The following CWF19L2 variants were observed in gnomAD, a reference collection of about 807,000 sequenced individuals.
CWF19L2 encodes CWF19 like cell cycle control factor 2.
A neutral mutation model predicts 111.7 loss-of-function variants in CWF19L2; 98 were observed. The ratio of observed to expected loss-of-function variants is 0.88; its 90% confidence interval spans 0.75 to 1.04. The LOEUF (loss-of-function observed/expected upper bound fraction) is 1.04, where lower values mean the gene tolerates loss of function less well. Among genes scored for constraint, CWF19L2 ranks in the 50% least tolerant of loss-of-function variants. The pLI, the probability that CWF19L2 is intolerant of heterozygous loss-of-function variation, is 0.00. For synonymous variants in CWF19L2, 351 were observed against 342.9 expected (o/e 1.02, Z -0.26); for missense variants, 1,101 against 1,051.4 (o/e 1.05, Z -0.65).
At chr11:107,433,048 G>A (rs369747788) in intron 7 of CWF19L2, among the ~76,000 whole-genome samples, 72 of 152,142 alleles carry the variant, frequency 4.7e-4, no homozygotes, top group African/African-American at 1.7e-3. Context: ...CATATTCTAC[G>A]AGTCTACTTT....
chr11:107,330,614 C>T (rs1262654435), intron 16 of CWF19L2, among the ~76,000 whole-genome samples: 2 of 137,910 alleles, frequency 1.5e-5, no homozygotes, highest in African/African-American at 5.1e-5. Flanking sequence ...CCCTCCCTCT[C>T]TCTTTCTCTC....
chr11:107,414,142 T>C (rs867317987), intron 10 of CWF19L2, among the ~76,000 whole-genome samples: 8 of 152,180 alleles, frequency 5.3e-5, no homozygotes. Flanking sequence ...GAAAATTGCA[T>C]GAGTTATTTT....
At chr11:107,339,437 T>C (rs576800772) in intron 14 of CWF19L2, among the ~76,000 whole-genome samples, 2 of 152,320 alleles carry the variant, frequency 1.3e-5, no homozygotes, top group South Asian at 4.1e-4. Flanking sequence ...CATACTATTT[T>C]ACATTTCTAC....
chr11:107,448,912 T>C (rs7945950), intron 3 of CWF19L2, among the ~76,000 whole-genome samples: 13,572 of 152,012 alleles, frequency 0.089, 905 homozygotes, highest in African/African-American at 0.18. Context: ...CAGTTAGTTT[T>C]GGTATAGCAG....
intron 16 of CWF19L2, among the ~76,000 whole-genome samples, chr11:107,332,687 T>C (rs934046130): frequency 2.0e-5 from 3 of 152,196 alleles, no homozygotes; most frequent in African/African-American, 4.8e-5. Context: ...GTATTGTTCA[T>C]TTCATGTTCA....
rs1314906245 is a variant in CWF19L2, at chr11:107,374,376, T to C, written c.1872+15698A>G. 3.0e-5 allele frequency among the ~76,000 whole-genome samples: 4 copies of C among 132,618 alleles called. 1 individual carries two copies. Among genetic ancestry groups the C allele is most frequent in the Admixed American group, 7.4e-5 (1 of 13,588 alleles). The allele number at this position is 132,618 out of a possible 152,430, so 87.0% of individuals were successfully genotyped here. ...TGTTAAGGGCAGCCAGAGAGAAAGG[T>C]TGGGTTACCCTCAAAGGGAAGCCCA... On this transcript the variant is annotated intron_variant, in intron 12 of 17. Transcript: ENST00000282251.
chr11:107,349,111 A>G lies in CWF19L2; in HGVS notation c.2086-58T>C, dbSNP rs991797184. On this transcript the variant is annotated intron_variant, in intron 13 of 17. Coordinates refer to ENST00000282251, the MANE Select transcript of CWF19L2 (RefSeq NM_152434.3). ...ATTGTTATTTATATGTTATATATTT[A>G]TATGTTAATGCTATTTATTCTCAGT... The G allele has an allele frequency of 3.6e-6, 3 of 822,970 alleles. No individual in the cohort carries two copies. In the African/African-American group the frequency reaches 5.2e-5, roughly 14 times the overall value. The allele number at this position is 822,970 out of a possible 1,614,324, so 51.0% of individuals were successfully genotyped here. A position where few individuals can be genotyped will look rare whatever the true frequency, so the allele number is the denominator to read the frequency against.
At chr11:107,411,277 C>T (rs970974626) in intron 10 of CWF19L2, among the ~76,000 whole-genome samples, 4 of 152,126 alleles carry the variant, frequency 2.6e-5, no homozygotes, top group Non-Finnish European at 5.9e-5. Context: ...GGTTAAGTAA[C>T]TTTGCAACTC....
At chr11:107,444,300 T>G (rs959747593) in intron 3 of CWF19L2, among the ~76,000 whole-genome samples, 2 of 152,136 alleles carry the variant, frequency 1.3e-5, no homozygotes, top group Non-Finnish European at 2.9e-5. Flanking sequence ...CTACTGAAAC[T>G]TCTCCAAACT....
intron 14 of CWF19L2, among the ~76,000 whole-genome samples, chr11:107,347,751 A>G (rs1860100495): frequency 6.6e-6 from 1 of 152,176 alleles, no homozygotes; most frequent in Non-Finnish European, 1.5e-5. Context: ...TTGTGTACTC[A>G]ATATCTGTTA....
chr11:107,401,087 T>G (rs1243113434), intron 10 of CWF19L2, among the ~76,000 whole-genome samples: 1 of 152,158 alleles, frequency 6.6e-6, no homozygotes, highest in South Asian at 2.1e-4. Flanking sequence ...AGGCCATCTA[T>G]GACAAACCCA....
At chr11:107,452,129 G>GA (rs998401440) in intron 3 of CWF19L2, among the ~76,000 whole-genome samples, 25 of 151,948 alleles carry the variant, frequency 1.6e-4, no homozygotes, top group Non-Finnish European at 3.7e-4. Flanking sequence ...AGACTGAAAA[G>GA]AAAAAAGTAA....
chr11:107,416,217 C>T lies in CWF19L2; in HGVS notation c.1609G>A (p.Gly537Arg), dbSNP rs17106909. Residue 537 changes from glycine to arginine, a missense_variant, in exon 10 of 18, where the codon GGG becomes AGG. Physicochemically the swap from Gly to Arg is moderately radical, Grantham distance 125. Coordinates refer to ENST00000282251, the MANE Select transcript of CWF19L2 (RefSeq NM_152434.3). ...ETITQIPKKS[G>R]VENEDQQEVI... is the part of the protein sequence containing the mutation. ...AAACTTTTATTACTTACCTCTACCC[C>T]AGATTTTTTTGGTATCTGTGTTATA... The T allele has an allele frequency of 0.032, 44,556 of 1,398,992 alleles. 1,731 individuals are homozygous for T. Among genetic ancestry groups the T allele is most frequent in the East Asian group, 0.22 (7,727 of 34,856 alleles). The allele number at this position is 1,398,992 out of a possible 1,614,324, so 86.7% of individuals were successfully genotyped here. A position where few individuals can be genotyped will look rare whatever the true frequency, so the allele number is the denominator to read the frequency against.
At chr11:107,339,355 G>C (rs995772056) in intron 14 of CWF19L2, among the ~76,000 whole-genome samples, 1 of 152,120 alleles carries the variant, frequency 6.6e-6, no homozygotes, top group African/African-American at 2.4e-5. Context: ...GCCAAGAAGT[G>C]CAAGAGTTGA....
At chr11:107,411,480 A>T (rs916875594) in intron 10 of CWF19L2, among the ~76,000 whole-genome samples, 1 of 152,100 alleles carries the variant, frequency 6.6e-6, no homozygotes, top group Non-Finnish European at 1.5e-5. Flanking sequence ...TGTCTTTTGA[A>T]CGTATTTGAA....
intron 10 of CWF19L2, among the ~76,000 whole-genome samples, chr11:107,399,223 C>T (rs530075270): frequency 1.3e-5 from 2 of 152,300 alleles, no homozygotes; most frequent in East Asian, 1.9e-4. Flanking sequence ...CCTTTCAATG[C>T]TAACATCGAA....
In CWF19L2 at chr11:107,441,565, GTGA is replaced by G. The variant is rs1286607255; in HGVS notation, c.505_507del (p.Ser169del). Reference sequence around the variant, plus strand: ...CTCATAGTTTCCTTTTCAGCTTTGAGTGATGATGATGACACAGTTTTAACAGAC... The same window carrying G: ...CTCATAGTTTCCTTTTCAGCTTTGAGTGATGATGACACAGTTTTAACAGAC... On this transcript the variant is annotated inframe_deletion, in exon 5 of 18. Transcript: ENST00000282251. The G allele has an allele frequency of 1.9e-6, 3 of 1,551,098 alleles. No homozygotes were observed. The highest frequency in any genetic ancestry group is 1.4e-5 in the African/African-American group (1 of 73,218).
At chr11:107,403,937 C>T in intron 10 of CWF19L2, 2 of 881,556 alleles carry the variant, frequency 2.3e-6, no homozygotes, top group East Asian at 2.4e-5. Flanking sequence ...CTGGACCTGT[C>T]GTTTAAGGAC....
At chr11:107,446,456 T>C (rs1861703323) in intron 3 of CWF19L2, among the ~76,000 whole-genome samples, 1 of 152,246 alleles carries the variant, frequency 6.6e-6, no homozygotes, top group Non-Finnish European at 1.5e-5. Flanking sequence ...CATCATTTAA[T>C]CAACAAGTTA....
Sources: allele counts gnomAD v4.1 joint callset (sites outside exome capture counted in the v4.1 genomes callset), GRCh38; gene constraint gnomAD v4.1.1; transcripts MANE v1.5; gene names NCBI Gene and HGNC (gene_info 2026-07-23, HGNC 2026-07-21).